DCLK1: variants seen among roughly 807,000 people sequenced by gnomAD.
The protein encoded by DCLK1 is doublecortin like kinase 1.
Under a neutral mutation model 86.2 loss-of-function variants are expected in DCLK1, and 16 were observed. That is an observed-to-expected ratio of 0.19 (90% CI 0.13 to 0.28). The LOEUF is 0.28. Ranked by LOEUF, DCLK1 falls within the 10% of genes least tolerant of loss-of-function variation. The pLI, the probability that DCLK1 is intolerant of heterozygous loss-of-function variation, is 1.00. For synonymous variants in DCLK1, 369 were observed against 370.5 expected (o/e 1.00, Z 0.05); for missense variants, 590 against 940.2 (o/e 0.63, Z 4.87).
chr13:35,960,178 T>C (rs1023040499), intron 3 of DCLK1, among the ~76,000 whole-genome samples: 1 of 152,100 alleles, frequency 6.6e-6, no homozygotes, highest in African/African-American at 2.4e-5. Context: ...TCTACTTCCC[T>C]TTCTCCCCCC....
At chr13:36,109,155 T>C (rs1885518562) in intron 3 of DCLK1, among the ~76,000 whole-genome samples, 1 of 152,202 alleles carries the variant, frequency 6.6e-6, no homozygotes, top group South Asian at 2.1e-4. Context: ...TATCATCCAA[T>C]TCCTCTGCAG....
At chr13:36,033,701 G>A (rs565238310) in intron 3 of DCLK1, among the ~76,000 whole-genome samples, 12 of 152,272 alleles carry the variant, frequency 7.9e-5, no homozygotes, top group African/African-American at 1.7e-4. Context: ...CAAGGTGGGC[G>A]GATTACCTGA....
chr13:35,885,746 G>T (rs73178204), intron 4 of DCLK1, among the ~76,000 whole-genome samples: 3,382 of 152,206 alleles, frequency 0.022, 57 homozygotes, highest in Middle Eastern at 0.034. Context: ...TATAACTCAG[G>T]TTGCTGATTT....
chr13:35,967,191 C>T (rs1030664793), intron 3 of DCLK1, among the ~76,000 whole-genome samples: 1 of 150,182 alleles, frequency 6.7e-6, no homozygotes, highest in African/African-American at 2.5e-5. Context: ...CTCTGACTGG[C>T]GGCCCCGTCT....
chr13:35,866,198 T>C (rs1263214368), intron 5 of DCLK1, among the ~76,000 whole-genome samples: 1 of 152,152 alleles, frequency 6.6e-6, no homozygotes, highest in African/African-American at 2.4e-5. Context: ...TTGCCTGCTG[T>C]TAGGAAATTA....
At position 35,799,476 on chromosome 13, in the gene DCLK1, C is replaced by T. The variant is rs1265600600; in HGVS notation, c.1945-5997G>A. Among the ~76,000 whole-genome samples, 6 of 152,118 alleles carry T rather than the reference C, an allele frequency of 3.9e-5. No individual in the cohort carries two copies. The East Asian group carries it at 1.2e-3, about 29-fold the overall frequency. ...ATGTTGGCCAGGCTGGTCTTGAACT[C>T]CCGACCTCAGGTTATCTGCCCGCCT... is the stretch of plus-strand genomic sequence containing the variant. On this transcript the variant is annotated intron_variant, in intron 15 of 16. Transcript: ENST00000360631.
intron 3 of DCLK1, among the ~76,000 whole-genome samples, chr13:36,043,335 A>T (rs1320665169): frequency 6.6e-6 from 1 of 151,988 alleles, no homozygotes; most frequent in Non-Finnish European, 1.5e-5. Flanking sequence ...TAAAAAAAAA[A>T]CTTTATTAAA....
At chr13:35,938,706 T>C (rs995927077) in intron 4 of DCLK1, among the ~76,000 whole-genome samples, 3 of 151,442 alleles carry the variant, frequency 2.0e-5, no homozygotes, top group African/African-American at 4.9e-5. Context: ...AGGGTTCCAG[T>C]TGGGGATGGA....
At chr13:35,896,608 AT>A (rs1294134005) in intron 4 of DCLK1, among the ~76,000 whole-genome samples, 6 of 148,682 alleles carry the variant, frequency 4.0e-5, no homozygotes, top group South Asian at 2.1e-4. Flanking sequence ...AAAAGTAAAG[AT>A]TTTTTTTTCT....
rs78428334 is a variant in DCLK1, at chr13:36,096,756, G to T, written c.723+15113C>A. Among the ~76,000 whole-genome samples, 7 of 152,194 alleles carry T rather than the reference G, an allele frequency of 4.6e-5. No individual in the cohort carries two copies. The East Asian group carries it at 1.4e-3, about 29-fold the overall frequency. On this transcript the variant is annotated intron_variant, in intron 3 of 16. Transcript: ENST00000360631. ...TAATCAGCTTATAAATGGTATTTTGGACTGTAACAAAGCAAATGTCACCAA... is the reference window on the plus strand; with the variant it reads ...TAATCAGCTTATAAATGGTATTTTGTACTGTAACAAAGCAAATGTCACCAA...
At chr13:35,895,199 A>T (rs1334808665) in intron 4 of DCLK1, among the ~76,000 whole-genome samples, 1 of 152,068 alleles carries the variant, frequency 6.6e-6, no homozygotes. Context: ...TTGGCCTCTT[A>T]AAGTGCTGGG....
chr13:36,071,267 T>C (rs1375212319), intron 3 of DCLK1, among the ~76,000 whole-genome samples: 1 of 152,168 alleles, frequency 6.6e-6, no homozygotes, highest in East Asian at 1.9e-4. Context: ...TTTCTTAGTA[T>C]ATACATGTAA....
intron 3 of DCLK1, among the ~76,000 whole-genome samples, chr13:35,978,434 G>A (rs1052100153): frequency 1.3e-5 from 2 of 151,772 alleles, no homozygotes; most frequent in South Asian, 2.1e-4. Context: ...TCAAATTCCT[G>A]GGCTCAAGTG....
At chr13:36,126,904 G>C (rs1886207161) in intron 1 of DCLK1, among the ~76,000 whole-genome samples, 1 of 152,160 alleles carries the variant, frequency 6.6e-6, no homozygotes, top group Non-Finnish European at 1.5e-5. Flanking sequence ...CCCCTAAATT[G>C]CTCCAAGTAA....
chr13:36,023,113 C>T (rs569581187), intron 3 of DCLK1, among the ~76,000 whole-genome samples: 2 of 152,256 alleles, frequency 1.3e-5, no homozygotes, highest in East Asian at 3.9e-4. Context: ...AGTCAGGGTT[C>T]TCCAGAGAAA....
chr13:35,858,496 T>C (rs926253581), intron 5 of DCLK1, among the ~76,000 whole-genome samples: 3 of 152,190 alleles, frequency 2.0e-5, no homozygotes, highest in Non-Finnish European at 4.4e-5. Flanking sequence ...GGATTTCATT[T>C]AGGTCTTACT....
chr13:35,922,159 A>G (rs946952501), intron 4 of DCLK1, among the ~76,000 whole-genome samples: 1 of 152,188 alleles, frequency 6.6e-6, no homozygotes, highest in Non-Finnish European at 1.5e-5. Flanking sequence ...AATCTCTGCT[A>G]TTTCTCTTAA....
intron 3 of DCLK1, among the ~76,000 whole-genome samples, chr13:36,081,904 A>G (rs977091837): frequency 2.0e-5 from 3 of 152,216 alleles, no homozygotes; most frequent in African/African-American, 4.8e-5. Context: ...CAACAACGCT[A>G]TAAGACCACA....
intron 4 of DCLK1, among the ~76,000 whole-genome samples, chr13:35,913,740 T>G (rs1875187864): frequency 1.3e-5 from 2 of 152,124 alleles, no homozygotes; most frequent in Admixed American, 1.3e-4. Context: ...AGTCTGATAC[T>G]GGGTGTGTAA....
Sources: allele counts gnomAD v4.1 joint callset (sites outside exome capture counted in the v4.1 genomes callset), GRCh38; gene constraint gnomAD v4.1.1; transcripts MANE v1.5; gene names NCBI Gene and HGNC (gene_info 2026-07-23, HGNC 2026-07-21).